Variants in FSIP1 observed in about 807,000 individuals in gnomAD.
FSIP1 encodes the protein fibrous sheath interacting protein 1, also known as fibrous sheath-interacting protein 1.
In FSIP1, 65 loss-of-function variants were observed where a neutral mutation model predicts 60.9. That is an observed-to-expected ratio of 1.07 (90% CI 0.87 to 1.31). FSIP1 has a LOEUF of 1.31. FSIP1 is among the 40% of genes most tolerant of loss of function. The pLI is 0.00. For synonymous variants in FSIP1, 209 were observed against 221.2 expected, an observed-to-expected ratio of 0.94 and a Z score of 0.49; for missense variants, 675 against 665.5, an observed-to-expected ratio of 1.01 and a Z score of -0.16.
At chr15:39,726,927 T>C (rs1341440089) in intron 8 of FSIP1, among the ~76,000 whole-genome samples, 180 bp from the exon 9 acceptor site, 1 of 152,104 alleles carries the variant, frequency 6.6e-6, no homozygotes, top group Non-Finnish European at 1.5e-5. Context: ...ATGAAATAGT[T>C]TCTGGTTTTG....
Position 39,675,119 on chromosome 15 carries a change from T to G in FSIP1, c.1188+38325A>C, listed in dbSNP as rs191413120. The stretch of plus-strand genomic sequence containing the variant: ...TTGACCTCATTAGTGATCAGGGAAA[T>G]GCACATCAATTATAAACTCACATAA... On this transcript the variant is annotated intron_variant, in intron 10 of 11. Transcript: ENST00000350221. Among the ~76,000 whole-genome samples the G allele has an allele frequency of 7.7e-3, 1,179 of 152,184 alleles. 9 individuals are homozygous for G. Among genetic ancestry groups the G allele is most frequent in the Middle Eastern group, 0.017 (5 of 294 alleles).
chr15:39,615,296 A>G (rs1403879194), intron 11 of FSIP1, among the ~76,000 whole-genome samples: 2 of 152,148 alleles, frequency 1.3e-5, no homozygotes, highest in African/African-American at 4.8e-5. Context: ...TGCACAGCAA[A>G]GAAAACAATG....
intron 10 of FSIP1, among the ~76,000 whole-genome samples, chr15:39,662,719 GA>G (rs36116816): frequency 0.77 from 113,024 of 147,268 alleles, 43,799 homozygotes; most frequent in Non-Finnish European, 0.86. Context: ...CTAAGTCACT[GA>G]AAAAAAAAAA....
At chr15:39,635,296 C>T (rs1892084386) in intron 10 of FSIP1, among the ~76,000 whole-genome samples, 1 of 151,628 alleles carries the variant, frequency 6.6e-6, no homozygotes, top group Non-Finnish European at 1.5e-5. Context: ...GATCATGCCA[C>T]TGCACTCCAT....
chr15:39,782,386 G>A (rs913294225), intron 1 of FSIP1, among the ~76,000 whole-genome samples: 13 of 152,216 alleles, frequency 8.5e-5, no homozygotes, highest in Non-Finnish European at 1.6e-4. Flanking sequence ...CAAATCTCGG[G>A]AAAGTAGAAG....
intron 2 of FSIP1, 74 bp from the exon 3 acceptor site, chr15:39,770,684 T>A (rs1159281816): frequency 1.1e-6 from 1 of 916,308 alleles, no homozygotes; most frequent in Non-Finnish European, 1.5e-6. Context: ...TCTAGAATAT[T>A]TTGACACTAA....
chr15:39,639,981 T>C (rs1892293984), intron 10 of FSIP1, among the ~76,000 whole-genome samples: 1 of 152,234 alleles, frequency 6.6e-6, no homozygotes, highest in African/African-American at 2.4e-5. Context: ...ATTATTGTAA[T>C]CCTAGCACCT....
chr15:39,624,751 T>C (rs1351695116), intron 10 of FSIP1, among the ~76,000 whole-genome samples: 1 of 152,108 alleles, frequency 6.6e-6, no homozygotes, highest in Non-Finnish European at 1.5e-5. Context: ...GGACAAAGGG[T>C]CCTGGGGGCC....
intron 11 of FSIP1, among the ~76,000 whole-genome samples, chr15:39,616,806 G>A: frequency 6.6e-6 from 1 of 152,216 alleles, no homozygotes; most frequent in Non-Finnish European, 1.5e-5. Context: ...ATGGTAGGAA[G>A]AGAAGAGAGA....
rs567898193 is a variant in FSIP1 at position 39,713,805 on chromosome 15, G to A, written c.1051-224C>T. Among the ~76,000 whole-genome samples, 13 of 152,298 alleles carry A rather than the reference G, an allele frequency of 8.5e-5. No individual in the cohort carries two copies. The South Asian group carries it at 2.5e-3, about 29-fold the overall frequency. On this transcript the variant is annotated intron_variant, in intron 9 of 11. Transcript: ENST00000350221. ...AGGAACCCAACTTCTGTAATCATTT[G>A]GGAAGCAGAAGGAGACAGTGAAAAC...
chr15:39,780,328 C>T (rs73397128), intron 1 of FSIP1, among the ~76,000 whole-genome samples: 14,527 of 152,032 alleles, frequency 0.096, 962 homozygotes, highest in East Asian at 0.27. Context: ...ATCAAGAACA[C>T]CCTGGCTAAC....
At chr15:39,778,653 A>G (rs1228417120) in intron 1 of FSIP1, among the ~76,000 whole-genome samples, 1 of 152,228 alleles carries the variant, frequency 6.6e-6, no homozygotes, top group Non-Finnish European at 1.5e-5. Flanking sequence ...TAATTACGTA[A>G]GCATTGAATG....
chr15:39,665,357 A>C (rs184589421), intron 10 of FSIP1, among the ~76,000 whole-genome samples: 110 of 152,338 alleles, frequency 7.2e-4, no homozygotes, highest in Non-Finnish European at 1.1e-3. Flanking sequence ...GAAAGTCCAA[A>C]CTACTTTATG....
At chr15:39,606,294 AG>A (rs1229959866) in intron 11 of FSIP1, among the ~76,000 whole-genome samples, 2 of 152,244 alleles carry the variant, frequency 1.3e-5, no homozygotes, top group Non-Finnish European at 2.9e-5. Flanking sequence ...TATTTTAAAA[AG>A]AAAACAAAAC....
intron 10 of FSIP1, among the ~76,000 whole-genome samples, chr15:39,682,318 T>G (rs1191825745): frequency 1.3e-5 from 2 of 152,126 alleles, no homozygotes; most frequent in African/African-American, 4.8e-5. Flanking sequence ...AGAAGAAATG[T>G]GGCCTGCTGC....
intron 9 of FSIP1, among the ~76,000 whole-genome samples, chr15:39,723,211 T>C (rs963070458): frequency 4.6e-5 from 7 of 152,152 alleles, no homozygotes; most frequent in Admixed American, 2.6e-4. Flanking sequence ...AACTAGTAAA[T>C]GCAAAAGTCA....
intron 10 of FSIP1, among the ~76,000 whole-genome samples, chr15:39,709,834 T>C (rs1051869195): frequency 6.6e-6 from 1 of 152,126 alleles, no homozygotes; most frequent in Non-Finnish European, 1.5e-5. Context: ...AGAGCTCAGG[T>C]AAAGCAAGAG....
chr15:39,644,507 G>A (rs1452248862), intron 10 of FSIP1, among the ~76,000 whole-genome samples: 1 of 152,096 alleles, frequency 6.6e-6, no homozygotes, highest in Non-Finnish European at 1.5e-5. Flanking sequence ...TTCTTTTCAG[G>A]TGTGCATCTG....
At chr15:39,646,052 G>T (rs1020980067) in intron 10 of FSIP1, among the ~76,000 whole-genome samples, 1 of 152,186 alleles carries the variant, frequency 6.6e-6, no homozygotes, top group South Asian at 2.1e-4. Flanking sequence ...CTCCATAAAA[G>T]CTCTGTACTC....
Sources: allele counts gnomAD v4.1 joint callset (sites outside exome capture counted in the v4.1 genomes callset), GRCh38; gene constraint gnomAD v4.1.1; transcripts MANE v1.5; gene names NCBI Gene and HGNC (gene_info 2026-07-23, HGNC 2026-07-21).